Variants in SIRPB1 observed in about 807,000 individuals in gnomAD.
SIRPB1 encodes the protein signal-regulatory protein beta-1.
SIRPB1 carries 28 observed loss-of-function variants against 34.1 expected under a neutral mutation model. The ratio of observed to expected loss-of-function variants is 0.82; its 90% CI spans 0.61 to 1.12. The LOEUF is 1.12. Among genes scored for constraint, SIRPB1 ranks in the 50% most tolerant of loss-of-function variants. SIRPB1 has a pLI of 0.00. For synonymous variants in SIRPB1, 211 were observed against 203.8 expected, an observed-to-expected ratio of 1.04 and a Z score of -0.30; for missense variants, 499 against 507.0, an observed-to-expected ratio of 0.98 and a Z score of 0.15.
intron 1 of SIRPB1, among the ~76,000 whole-genome samples, chr20:1,614,164 C>T (rs1311717323): frequency 6.6e-6 from 1 of 152,118 alleles, no homozygotes; most frequent in Non-Finnish European, 1.5e-5. Context: ...CCTTCAAATA[C>T]AAGGGAGAAA....
rs1568694245 is a variant in SIRPB1 at position 1,582,249 on chromosome 20, T to C, written c.77-3555A>G. ...CTTGATGCAAAAATAATGCTCTTTA[T>C]GGCCTACGCTGTACTCCATTAAAAC... On this transcript the variant is annotated intron_variant, in intron 1 of 5. Coordinates refer to ENST00000381605, the MANE Select transcript of SIRPB1 (RefSeq NM_006065.5). Among the ~76,000 whole-genome samples, 2 of 48,960 alleles carry C rather than the reference T, an allele frequency of 4.1e-5. 1 individual carries two copies. Among genetic ancestry groups the C allele is most frequent in the Non-Finnish European group, 7.9e-5 (2 of 25,444 alleles). The allele number at this position is 48,960 out of a possible 152,430, so 32.1% of individuals were successfully genotyped here.
intron 1 of SIRPB1, among the ~76,000 whole-genome samples, chr20:1,603,359 C>T (rs1432811836): frequency 2.0e-5 from 1 of 49,612 alleles, no homozygotes; most frequent in Non-Finnish European, 3.9e-5. Context: ...CACCTGGGGG[C>T]GTGGTCCAGG....
At chr20:1,572,974 T>C (rs1440103650) in intron 2 of SIRPB1, among the ~76,000 whole-genome samples, 1 of 148,046 alleles carries the variant, frequency 6.8e-6, no homozygotes, top group African/African-American at 2.5e-5. Flanking sequence ...AACCAGCTAA[T>C]GAACTGTTTC....
Position 1,591,216 on chromosome 20 carries a change from G to GA in SIRPB1, c.77-12523dup, listed in dbSNP as rs1198556210. ...TAAGTAGTAAGTTATTGGGTTGGGG[G>GA]ATCATGTGGGGAAATCCCTTAGGAT... On this transcript the variant is annotated intron_variant, in intron 1 of 5. Transcript: ENST00000381605. Among the ~76,000 whole-genome samples the GA allele has an allele frequency of 4.1e-5, 2 of 48,698 alleles. 1 individual carries two copies. Among genetic ancestry groups the GA allele is most frequent in the African/African-American group, 2.7e-4 (2 of 7,414 alleles). The allele number at this position is 48,698 out of a possible 152,430, so 31.9% of individuals were successfully genotyped here.
At chr20:1,609,939 C>G (rs901230542) in intron 1 of SIRPB1, among the ~76,000 whole-genome samples, 1 of 72,914 alleles carries the variant, frequency 1.4e-5, no homozygotes, top group Non-Finnish European at 2.6e-5. Context: ...GACACATGTA[C>G]AAGGTCATCC....
intron 4 of SIRPB1, among the ~76,000 whole-genome samples, chr20:1,567,982 T>C (rs1015552234): frequency 5.3e-5 from 8 of 152,126 alleles, no homozygotes; most frequent in African/African-American, 1.9e-4. Flanking sequence ...CAGCGGAGCA[T>C]GAATCTCAGT....
rs2091082506 is a variant in SIRPB1 at position 1,561,409 on chromosome 20, T to C, written c.*4091A>G. On this transcript the variant is annotated 3_prime_UTR_variant, in exon 6 of 6. Coordinates refer to ENST00000381605, the MANE Select transcript of SIRPB1 (RefSeq NM_006065.5). ...ATGATTAATCAAAGTTCATAGTTTATTTAGATCTTTTCTTTTTACCTAATG... is the reference window on the plus strand; with the variant it reads ...ATGATTAATCAAAGTTCATAGTTTACTTAGATCTTTTCTTTTTACCTAATG... Among the ~76,000 whole-genome samples the C allele has an allele frequency of 1.0e-5, 1 of 99,726 alleles. No homozygotes were observed. The highest frequency in any genetic ancestry group is 2.0e-4 in the East Asian group (1 of 5,018). 65.4% of individuals were successfully genotyped at this position (99,726 alleles called of 152,430 possible).
chr20:1,619,825 C>T (rs777345945), intron 1 of SIRPB1, 44 bp downstream of exon 1: 1 of 1,413,546 alleles, frequency 7.1e-7, no homozygotes, highest in Admixed American at 1.7e-5. Flanking sequence ...CAGGCCATGG[C>T]TCAGTGGGCA....
rs761082553 is a variant in SIRPB1 at position 1,570,802 on chromosome 20, C to T, written c.1084+3G>A. 5 of 1,603,104 alleles carry T rather than the reference C, an allele frequency of 3.1e-6. No individual in the cohort carries two copies. Among genetic ancestry groups the T allele is most frequent in the African/African-American group, 1.3e-5 (1 of 74,546 alleles). Reference sequence around the variant, plus strand: ...AAAATTTAAAAATGGGAAGTAACCGCACCATGGGTGATATCTGAGCCGTGC... The same window carrying T: ...AAAATTTAAAAATGGGAAGTAACCGTACCATGGGTGATATCTGAGCCGTGC... On this transcript the variant is annotated splice_donor_region_variant and intron_variant, in intron 4 of 5. Transcript: ENST00000381605.
intron 4 of SIRPB1, among the ~76,000 whole-genome samples, chr20:1,566,539 A>G (rs1014652501): frequency 6.6e-6 from 1 of 152,184 alleles, no homozygotes; most frequent in African/African-American, 2.4e-5. Flanking sequence ...TATATGTGGC[A>G]ACTGGGTTCC....
Position 1,561,983 on chromosome 20 carries a change from T to C in SIRPB1, c.*3517A>G, listed in dbSNP as rs2091086518. On this transcript the variant is annotated 3_prime_UTR_variant, in exon 6 of 6. Transcript: ENST00000381605. ...TCTTCTTTCCCATTAATTTATTCAA[T>C]CATTTATTTATATCAGTATGGACTC... Among the ~76,000 whole-genome samples the C allele has an allele frequency of 6.6e-6, 1 of 152,170 alleles. No individual in the cohort carries two copies. The highest frequency in any genetic ancestry group is 2.4e-5 in the African/African-American group (1 of 41,422).
intron 1 of SIRPB1, among the ~76,000 whole-genome samples, chr20:1,582,306 T>C (rs1417710037): frequency 2.0e-5 from 1 of 48,974 alleles, no homozygotes; most frequent in Admixed American, 1.4e-4. Flanking sequence ...AATCTCCTGA[T>C]TTGGATTCCA....
At chr20:1,568,206 A>G (rs1390595808) in intron 4 of SIRPB1, among the ~76,000 whole-genome samples, 1 of 152,234 alleles carries the variant, frequency 6.6e-6, no homozygotes, top group Non-Finnish European at 1.5e-5. Context: ...TACACAATCC[A>G]GGCCCTAAAT....
rs886393539 is a variant in SIRPB1, at chr20:1,563,759, G to A, written c.*1741C>T. 3 of 151,922 alleles carry A rather than the reference G, an allele frequency of 2.0e-5. No individual in the cohort carries two copies. The highest frequency in any genetic ancestry group is 1.3e-4 in the Admixed American group (2 of 15,252). 9.4% of individuals were successfully genotyped at this position (151,922 alleles called of 1,614,324 possible). On this transcript the variant is annotated 3_prime_UTR_variant, in exon 6 of 6. Coordinates refer to ENST00000381605, the MANE Select transcript of SIRPB1 (RefSeq NM_006065.5). ...GAGAGAGAGAGAGAGAGCGAAGGGG[G>A]ACTTGCCACACACTTTCAAAAAACC... is the stretch of plus-strand genomic sequence containing the variant.
chr20:1,576,707 G>C (rs1348168752), intron 2 of SIRPB1, among the ~76,000 whole-genome samples: 1 of 148,494 alleles, frequency 6.7e-6, no homozygotes, highest in Non-Finnish European at 1.5e-5. Context: ...GGGAGTTCGA[G>C]ACCAGCCTGA....
intron 1 of SIRPB1, among the ~76,000 whole-genome samples, chr20:1,614,621 G>T (rs1387844989): frequency 1.3e-5 from 2 of 151,910 alleles, no homozygotes; most frequent in Non-Finnish European, 2.9e-5. Flanking sequence ...ATGGCTTCCT[G>T]CATGGCCTGC....
At position 1,562,907 on chromosome 20, in the gene SIRPB1, A is replaced by T. The variant is rs893164823; in HGVS notation, c.*2593T>A. Among the ~76,000 whole-genome samples, 1 of 152,230 alleles carries T rather than the reference A, an allele frequency of 6.6e-6. No individual in the cohort carries two copies. Among genetic ancestry groups the T allele is most frequent in the African/African-American group, 2.4e-5 (1 of 41,464 alleles). ...GTGAAAATGCTGCAAGTGAGGTTCA[A>T]ATTGAATGTGAGTGGAATTCTAGAA... On this transcript the variant is annotated 3_prime_UTR_variant, in exon 6 of 6. Coordinates refer to ENST00000381605, the MANE Select transcript of SIRPB1 (RefSeq NM_006065.5).
chr20:1,616,796 G>A (rs1447297858), intron 1 of SIRPB1, among the ~76,000 whole-genome samples: 1 of 152,132 alleles, frequency 6.6e-6, no homozygotes. Context: ...TGCTAGCCAT[G>A]CATCTAATGA....
intron 1 of SIRPB1, among the ~76,000 whole-genome samples, chr20:1,617,239 C>T (rs2091643061): frequency 6.6e-6 from 1 of 152,142 alleles, no homozygotes; most frequent in African/African-American, 2.4e-5. Context: ...TATCTGTGCT[C>T]CCATGTCCAT....
Sources: allele counts gnomAD v4.1 joint callset (sites outside exome capture counted in the v4.1 genomes callset), GRCh38; gene constraint gnomAD v4.1.1; transcripts MANE v1.5; gene names NCBI Gene and HGNC (gene_info 2026-07-23, HGNC 2026-07-21).